Variants in ARHGEF18 observed in about 807,000 individuals in gnomAD.
The protein encoded by ARHGEF18 is rho guanine nucleotide exchange factor 18.
Under a neutral mutation model 155.7 loss-of-function variants are expected in ARHGEF18, and 93 were observed. The observed-to-expected ratio is 0.60, with a 90% CI of 0.50 to 0.71. The LOEUF is 0.71. Among genes scored for constraint, ARHGEF18 ranks in the 30% least tolerant of loss-of-function variants. The pLI is 0.00. For missense variants in ARHGEF18, 1,593 were observed against 1,816.1 expected (o/e 0.88, Z 2.23); for synonymous variants, 742 against 753.1 (o/e 0.99, Z 0.24).
At chr19:7,355,982 G>A (rs909897477) in intron 1 of ARHGEF18, among the ~76,000 whole-genome samples, 8 of 152,254 alleles carry the variant, frequency 5.3e-5, no homozygotes, top group Non-Finnish European at 7.4e-5. Flanking sequence ...TAACTCAGCC[G>A]CTGAACTCCT....
intron 2 of ARHGEF18, among the ~76,000 whole-genome samples, chr19:7,368,969 G>A (rs939028461): frequency 1.1e-4 from 16 of 152,122 alleles, no homozygotes; most frequent in South Asian, 4.1e-4. Flanking sequence ...AAATGAGGAC[G>A]GTGGCCACAA....
At chr19:7,454,410 A>C (rs1238615858) in intron 17 of ARHGEF18, among the ~76,000 whole-genome samples, 1 of 151,218 alleles carries the variant, frequency 6.6e-6, no homozygotes, top group Non-Finnish European at 1.5e-5. Context: ...GAATGGTGGC[A>C]TCATCTTGAT....
chr19:7,478,570 C>T, the ARHGEF18 span, among the ~76,000 whole-genome samples: 1 of 152,240 alleles, frequency 6.6e-6, no homozygotes, highest in Non-Finnish European at 1.5e-5. Context: ...TAACACGGCC[C>T]CGTCCCACCC....
At chr19:7,370,695 G>A (rs1181928802) in intron 2 of ARHGEF18, among the ~76,000 whole-genome samples, 1 of 152,034 alleles carries the variant, frequency 6.6e-6, no homozygotes, top group Non-Finnish European at 1.5e-5. Flanking sequence ...ATGGATGGAT[G>A]AATAAATGCG....
chr19:7,369,541 G>A (rs1386983923), intron 2 of ARHGEF18, among the ~76,000 whole-genome samples: 5 of 151,944 alleles, frequency 3.3e-5, no homozygotes, highest in African/African-American at 7.3e-5. Flanking sequence ...GCTCATGCCC[G>A]TAATCCCAGC....
Position 7,380,623 on chromosome 19 carries a change from GCAGTGAGCTGTGATT to G in ARHGEF18, c.645-293_645-279del, listed in dbSNP as rs59050213. Among the ~76,000 whole-genome samples the G allele has an allele frequency of 0.011, 1,700 of 152,092 alleles. 118 individuals carry two copies. The East Asian group carries it at 0.18, about 16-fold the overall frequency. On this transcript the variant is annotated intron_variant, in intron 7 of 28. Transcript: ENST00000668164. ...TGCTCAAGCCCCGGAGGTCGAGGCT[GCAGTGAGCTGTGATT>G]GTACCACTGCACTCCAGCCTGGGCA...
intron 10 of ARHGEF18, among the ~76,000 whole-genome samples, chr19:7,426,406 G>A (rs1341188807): frequency 6.7e-6 from 1 of 149,490 alleles, no homozygotes; most frequent in Non-Finnish European, 1.5e-5. Flanking sequence ...ATAATTGCTT[G>A]AACCTGGGAG....
Position 7,451,197 on chromosome 19 carries a change from A to G in ARHGEF18, c.1786A>G (p.Ile596Val). ...IVRRLGVQEC[I>V]LLVTQRITKY... ...GCGGCGGCTTGGCGTGCAGGAGTGC[A>G]TTCTCCTGGTTACACAACGCATAAC... is the stretch of plus-strand genomic sequence containing the variant. Residue 596 changes from isoleucine to valine, a missense_variant, in exon 16 of 29, where the codon ATT (isoleucine) becomes GTT (valine). Coordinates refer to ENST00000668164, the MANE Select transcript of ARHGEF18 (RefSeq NM_001367823.1). The G allele has an allele frequency of 3.2e-6, 5 of 1,580,676 alleles. No homozygotes were observed. The highest frequency in any genetic ancestry group is 4.3e-6 in the Non-Finnish European group (5 of 1,166,190).
Position 7,395,205 on chromosome 19 carries a change from C to T in ARHGEF18, c.967+12002C>T. ...GCATCGGAGGCGGCTGCGAGAGTGG[C>T]AGAGGAGCTGGCGGAGAGCGGCCTG... is the stretch of plus-strand genomic sequence containing the variant. On this transcript the variant is annotated intron_variant, in intron 10 of 28. Coordinates refer to ENST00000668164, the MANE Select transcript of ARHGEF18 (RefSeq NM_001367823.1). This position sits in a 1 kb window ranked among gnomAD's most constrained non-coding sequence, Gnocchi z 5.0. 1 of 986,248 alleles carries T rather than the reference C, an allele frequency of 1.0e-6. No individual in the cohort carries two copies. Among genetic ancestry groups the T allele is most frequent in the Non-Finnish European group, 1.2e-6 (1 of 830,616 alleles). The allele number at this position is 986,248 out of a possible 1,614,324, so 61.1% of individuals were successfully genotyped here. A position where few individuals can be genotyped will look rare whatever the true frequency, so the allele number is the denominator to read the frequency against.
intron 15 of ARHGEF18, 115 bp downstream of exon 15, chr19:7,447,283 G>A (rs1975059768): frequency 3.2e-6 from 3 of 925,500 alleles, no homozygotes; most frequent in Middle Eastern, 3.6e-4. Flanking sequence ...AAGGCCAGGA[G>A]ATCGAGACCG....
At chr19:7,384,883 C>G (rs1246565769) in intron 10 of ARHGEF18, among the ~76,000 whole-genome samples, 2 of 151,932 alleles carry the variant, frequency 1.3e-5, no homozygotes, top group Non-Finnish European at 2.9e-5. Context: ...TTTGTAGAGA[C>G]AAGGTCTCAC....
chr19:7,469,788 C>T lies in ARHGEF18; in HGVS notation c.3788-116C>T, dbSNP rs531866655. 1,033 of 1,286,216 alleles carry T rather than the reference C, an allele frequency of 8.0e-4. 4 individuals carry two copies. Among genetic ancestry groups the T allele is most frequent in the South Asian group, 2.0e-3 (145 of 71,206 alleles). 79.7% of individuals were successfully genotyped at this position (1,286,216 alleles called of 1,614,324 possible). On this transcript the variant is annotated intron_variant, in intron 27 of 28. Transcript: ENST00000668164. ...GCAGCTCAGGTCACGGGATCCAGGC[C>T]GCCCGTGGGAAGTGTCAGGTGGGGG...
intron 27 of ARHGEF18, among the ~76,000 whole-genome samples, chr19:7,469,473 C>T (rs918296610): frequency 1.3e-5 from 2 of 152,200 alleles, no homozygotes; most frequent in Non-Finnish European, 2.9e-5. Flanking sequence ...CGCCTCTGCT[C>T]ATTGTCCCAG....
Position 7,470,071 on chromosome 19 carries a change from C to T in ARHGEF18, c.3913+42C>T, listed in dbSNP as rs775283595. Reference sequence around the variant, plus strand: ...TGACATGAGCCCAGTCCCAGGGCAGCGGGGCTGCGGCACCACCCGGCGACT... The same window carrying T: ...TGACATGAGCCCAGTCCCAGGGCAGTGGGGCTGCGGCACCACCCGGCGACT... On this transcript the variant is annotated intron_variant, in intron 28 of 28. Transcript: ENST00000668164. This position sits in a 1 kb window ranked among gnomAD's most constrained non-coding sequence, Gnocchi z 5.9. The T allele has an allele frequency of 2.4e-5, 38 of 1,610,930 alleles. 1 individual carries two copies. In the South Asian group the frequency reaches 2.5e-4, roughly 11 times the overall value.
chr19:7,361,214 T>C (rs1969532445), intron 1 of ARHGEF18, among the ~76,000 whole-genome samples: 1 of 152,166 alleles, frequency 6.6e-6, no homozygotes, highest in Non-Finnish European at 1.5e-5. Flanking sequence ...GGCGGGGGGA[T>C]TGCCTGAGCT....
chr19:7,435,461 G>A (rs1974203011), intron 10 of ARHGEF18, among the ~76,000 whole-genome samples: 1 of 152,140 alleles, frequency 6.6e-6, no homozygotes, highest in Admixed American at 6.6e-5. Flanking sequence ...ATATGGACAG[G>A]AGTCTTCATT....
chr19:7,432,472 C>G (rs722440), intron 10 of ARHGEF18, among the ~76,000 whole-genome samples: 82,333 of 152,036 alleles, frequency 0.54, 22,824 homozygotes, highest in East Asian at 0.75. Flanking sequence ...TTGTTTCTTT[C>G]TTTTTGTTTT....
intron 10 of ARHGEF18, among the ~76,000 whole-genome samples, chr19:7,414,672 G>T (rs1972892072): frequency 6.6e-6 from 1 of 152,094 alleles, no homozygotes; most frequent in Non-Finnish European, 1.5e-5. Flanking sequence ...AGCTGGGCAT[G>T]GTGGTGCGTG....
At chr19:7,453,374 C>T in intron 16 of ARHGEF18, 93 bp from the exon 17 acceptor site, 6 of 1,371,490 alleles carry the variant, frequency 4.4e-6, no homozygotes, top group Non-Finnish European at 5.7e-6. Context: ...GTCCACACAC[C>T]TCATAGATCC....
Sources: gnomAD v4.1 joint callset for allele counts (sites outside exome capture counted in the v4.1 genomes callset) on GRCh38, gnomAD v4.1.1 for gene constraint, Gnocchi (gnomAD v3.1) non-coding constraint, MANE v1.5 for transcripts, NCBI Gene and HGNC (gene_info 2026-07-23, HGNC 2026-07-21) for gene names.